Variants in ZSWIM2 observed in about 807,000 individuals in gnomAD.
ZSWIM2 encodes the protein zinc finger SWIM-type containing 2.
A neutral mutation model predicts 48.4 loss-of-function variants in ZSWIM2; 38 were observed. The observed-to-expected ratio is 0.79, with a 90% CI of 0.61 to 1.03. ZSWIM2 has a LOEUF of 1.03. Among genes scored for constraint, ZSWIM2 ranks in the 50% least tolerant of loss-of-function variants. ZSWIM2 has a pLI of 0.00. For synonymous variants in ZSWIM2, 240 were observed against 251.3 expected, an observed-to-expected ratio of 0.96 and a Z score of 0.42; for missense variants, 776 against 730.2, an observed-to-expected ratio of 1.06 and a Z score of -0.72.
chr2:186,831,155 C>A (rs900703121), intron 7 of ZSWIM2, among the ~76,000 whole-genome samples: 1 of 152,002 alleles, frequency 6.6e-6, no homozygotes, highest in African/African-American at 2.4e-5. Flanking sequence ...TAAGTCCAAC[C>A]GTTAGTTATA....
At chr2:186,834,359 A>G (rs545238371) in intron 5 of ZSWIM2, among the ~76,000 whole-genome samples, 95 of 152,176 alleles carry the variant, frequency 6.2e-4, no homozygotes, top group African/African-American at 2.2e-3. Flanking sequence ...CATCTTCTAG[A>G]GTAGGGGTCC....
At chr2:186,838,229 A>C (rs1164398795) in intron 4 of ZSWIM2, among the ~76,000 whole-genome samples, 1 of 151,300 alleles carries the variant, frequency 6.6e-6, no homozygotes, top group African/African-American at 2.4e-5. Context: ...TATAATAAAA[A>C]AATTAAAAAT....
Position 186,827,842 on chromosome 2 carries a change from G to A in ZSWIM2, c.*142C>T. 1.8e-6 allele frequency: 1 copy of A among 570,230 alleles called. No individual in the cohort carries two copies. Among genetic ancestry groups the A allele is most frequent in the South Asian group, 3.2e-5 (1 of 31,586 alleles). 35.3% of individuals were successfully genotyped at this position (570,230 alleles called of 1,614,324 possible). ...AGTAATAGAATCATTTCCTTTAAGT[G>A]TAGTGAGCTGTTTATAGGTAAGTAG... On this transcript the variant is annotated 3_prime_UTR_variant, in exon 9 of 9. Transcript: ENST00000295131.
In ZSWIM2 at chr2:186,828,078, C is replaced by A; in HGVS notation, c.1808G>T (p.Arg603Leu). 1 of 1,613,282 alleles carries A rather than the reference C, an allele frequency of 6.2e-7. No homozygotes were observed. Among genetic ancestry groups the A allele is most frequent in the Non-Finnish European group, 8.5e-7 (1 of 1,179,612 alleles). ...CTGTCTTGATAGATGACTACATTTT[C>A]GTGTAATTTCCCCCATACAGTTACT... ...RYSNCMGEITRKCSHLSRQPV... is the reference protein window; with the variant it reads ...RYSNCMGEITLKCSHLSRQPV... Residue 603 changes from arginine (R) to leucine (L), a missense_variant, in exon 9 of 9, where the codon CGA becomes CTA. Physicochemically the swap from Arg to Leu is moderately radical, Grantham distance 102. Transcript: ENST00000295131.
intron 4 of ZSWIM2, 134 bp from the exon 5 acceptor site, chr2:186,837,688 A>G (rs1691823320): frequency 3.9e-6 from 1 of 258,602 alleles, no homozygotes; most frequent in Non-Finnish European, 6.2e-6. Flanking sequence ...CCACAAAAAA[A>G]TAGATTCTGA....
intron 3 of ZSWIM2, among the ~76,000 whole-genome samples, chr2:186,842,637 A>C (rs3100036): frequency 6.6e-6 from 1 of 151,570 alleles, no homozygotes; most frequent in Non-Finnish European, 1.5e-5. Flanking sequence ...CACCTAGCAG[A>C]GCTCCTAGCT....
chr2:186,848,915 C>A, intron 1 of ZSWIM2, 51 bp downstream of exon 1: 1 of 1,608,740 alleles, frequency 6.2e-7, no homozygotes, highest in Non-Finnish European at 8.5e-7. Flanking sequence ...AGTGGGGGAA[C>A]CTGGTGGGCG....
At chr2:186,843,417 T>C (rs1379768121) in intron 3 of ZSWIM2, among the ~76,000 whole-genome samples, 3 of 151,614 alleles carry the variant, frequency 2.0e-5, no homozygotes, top group African/African-American at 4.8e-5. Context: ...AGTTCAGGCA[T>C]TGGAAACAAG....
chr2:186,847,620 T>G (rs184302533), intron 2 of ZSWIM2, 99 bp downstream of exon 2: 2 of 744,880 alleles, frequency 2.7e-6, no homozygotes, highest in African/African-American at 3.6e-5. Context: ...AACACCAAAT[T>G]TCTTTAATTT....
At chr2:186,833,686 A>G (rs2105817228) in intron 6 of ZSWIM2, among the ~76,000 whole-genome samples, 1 of 152,294 alleles carries the variant, frequency 6.6e-6, no homozygotes, top group African/African-American at 2.4e-5. Flanking sequence ...TGATGGCTAT[A>G]ATTTCTGTTC....
Position 186,827,924 on chromosome 2 carries a change from G to A in ZSWIM2, c.*60C>T. ...TGTCAAGACTATGTGTGCTTTTTAT[G>A]TTCTATATAAAACATTTTTTTATAT... is the stretch of plus-strand genomic sequence containing the variant. On this transcript the variant is annotated 3_prime_UTR_variant, in exon 9 of 9. Coordinates refer to ENST00000295131, the MANE Select transcript of ZSWIM2 (RefSeq NM_182521.3). The A allele has an allele frequency of 1.3e-5, 17 of 1,354,544 alleles. No individual in the cohort carries two copies. Among genetic ancestry groups the A allele is most frequent in the Non-Finnish European group, 1.7e-5 (17 of 1,018,112 alleles). The allele number at this position is 1,354,544 out of a possible 1,614,324, so 83.9% of individuals were successfully genotyped here. A position where few individuals can be genotyped will look rare whatever the true frequency, so the allele number is the denominator to read the frequency against.
intron 4 of ZSWIM2, among the ~76,000 whole-genome samples, chr2:186,838,633 A>G (rs1182803567): frequency 6.7e-6 from 1 of 149,298 alleles, no homozygotes; most frequent in Non-Finnish European, 1.5e-5. Flanking sequence ...GAGTAAGAGC[A>G]TATATTTAGC....
chr2:186,831,832 A>G (rs967540937), intron 7 of ZSWIM2, among the ~76,000 whole-genome samples: 4 of 151,994 alleles, frequency 2.6e-5, no homozygotes, highest in African/African-American at 9.7e-5. Flanking sequence ...CAATGGGAAC[A>G]CATGGACACA....
In ZSWIM2 at chr2:186,837,612, G is replaced by GTA. The variant is rs72348328; in HGVS notation, c.495-60_495-59dup. On this transcript the variant is annotated intron_variant, in intron 4 of 8. Transcript: ENST00000295131. The stretch of plus-strand genomic sequence containing the variant: ...TATAGAGCAGTTTTACATATCCATT[G>GTA]TATATATATATATATATTATATATA... The GTA allele has an allele frequency of 5.9e-3, 2,868 of 486,692 alleles. 6 individuals carry two copies. Among genetic ancestry groups the GTA allele is most frequent in the African/African-American group, 0.013 (613 of 47,158 alleles). The allele number at this position is 486,692 out of a possible 1,614,324, so 30.1% of individuals were successfully genotyped here. A position where few individuals can be genotyped will look rare whatever the true frequency, so the allele number is the denominator to read the frequency against.
chr2:186,833,330 A>ATTGTT, intron 6 of ZSWIM2, 98 bp from the exon 7 acceptor site: 1 of 555,686 alleles, frequency 1.8e-6, no homozygotes, highest in Non-Finnish European at 3.1e-6. Flanking sequence ...TGTGAACAAT[A>ATTGTT]CACAATATTT....
chr2:186,849,035 G>A lies in ZSWIM2; in HGVS notation c.96C>T (p.Tyr32=), dbSNP rs1339955862. The change falls in exon 1 of 9, where the codon TAC becomes TAT. Residue 32 remains tyrosine (Y), a synonymous_variant. Coordinates refer to ENST00000295131, the MANE Select transcript of ZSWIM2 (RefSeq NM_182521.3). The stretch of plus-strand genomic sequence containing the variant: ...CAGTGGGGCCCATCTCTCGTAGGAG[G>A]TAGATGCTGCTACTCAGCGCCTGGT... ...HQDQALSSSI[Y]LLREMGPTGF... The A allele has an allele frequency of 6.2e-7, 1 of 1,614,206 alleles. No individual in the cohort carries two copies. The highest frequency in any genetic ancestry group is 1.7e-5 in the Admixed American group (1 of 60,032).
At chr2:186,833,318 A>T in intron 6 of ZSWIM2, 86 bp from the exon 7 acceptor site, 2 of 603,510 alleles carry the variant, frequency 3.3e-6, no homozygotes, top group Non-Finnish European at 5.8e-6. Flanking sequence ...GCGTATCAAT[A>T]ATGTGAACAA....
At chr2:186,846,921 C>T (rs1167074164) in intron 2 of ZSWIM2, among the ~76,000 whole-genome samples, 2 of 151,300 alleles carry the variant, frequency 1.3e-5, no homozygotes, top group Non-Finnish European at 1.5e-5. Context: ...TTAAATAATT[C>T]GGAAATAGAA....
intron 8 of ZSWIM2, among the ~76,000 whole-genome samples, chr2:186,829,404 A>T (rs976916796): frequency 2.6e-5 from 4 of 152,220 alleles, no homozygotes; most frequent in African/African-American, 4.8e-5. Context: ...AATCATAAAA[A>T]TACATAGCAA....
Sources: gnomAD v4.1 joint callset for allele counts (sites outside exome capture counted in the v4.1 genomes callset) on GRCh38, gnomAD v4.1.1 for gene constraint, MANE v1.5 for transcripts, NCBI Gene and HGNC (gene_info 2026-07-23, HGNC 2026-07-21) for gene names.